The following ADAMTS12 variants were observed in gnomAD, a reference collection of about 807,000 sequenced individuals.
The protein encoded by ADAMTS12 is ADAM metallopeptidase with thrombospondin type 1 motif 12.
In ADAMTS12, 118 loss-of-function variants were observed where a neutral mutation model predicts 167.8. The observed-to-expected ratio is 0.70, with a 90% CI of 0.61 to 0.82. The LOEUF (loss-of-function observed/expected upper bound fraction) is 0.82. Among genes scored for constraint, ADAMTS12 ranks in the 40% least tolerant of loss-of-function variants. The pLI, the probability that ADAMTS12 is intolerant of heterozygous loss-of-function variation, is 0.00. For missense variants in ADAMTS12, 1,916 were observed against 1,998.8 expected, an observed-to-expected ratio of 0.96 and a Z score of 0.79; for synonymous variants, 704 against 716.9, an observed-to-expected ratio of 0.98 and a Z score of 0.29.
At chr5:33,585,835 C>G (rs1438567605) in intron 18 of ADAMTS12, among the ~76,000 whole-genome samples, 1 of 152,096 alleles carries the variant, frequency 6.6e-6, no homozygotes, top group Non-Finnish European at 1.5e-5. Flanking sequence ...AGAGAGCTCC[C>G]CTTTCTGATC....
chr5:33,696,338 G>A (rs1293798445), intron 3 of ADAMTS12, among the ~76,000 whole-genome samples: 3 of 150,946 alleles, frequency 2.0e-5, no homozygotes, highest in South Asian at 4.2e-4. Flanking sequence ...GGAGAATGGC[G>A]GGAACCCGGG....
Position 33,556,446 on chromosome 5 carries a change from T to C in ADAMTS12, c.4125+4581A>G, listed in dbSNP as rs114071168. ...CTTGCAGACACTGGAAAGGTAGAGATCTGAATGTCTCAGTCCTCTGTCATG... is the reference window on the plus strand; with the variant it reads ...CTTGCAGACACTGGAAAGGTAGAGACCTGAATGTCTCAGTCCTCTGTCATG... On this transcript the variant is annotated intron_variant, in intron 20 of 23. Transcript: ENST00000504830. Among the ~76,000 whole-genome samples the C allele has an allele frequency of 8.1e-3, 1,240 of 152,276 alleles. 20 individuals carry two copies. The highest frequency in any genetic ancestry group is 0.028 in the African/African-American group (1,163 of 41,554).
At chr5:33,856,785 C>A (rs529104729) in intron 2 of ADAMTS12, among the ~76,000 whole-genome samples, 26 of 152,248 alleles carry the variant, frequency 1.7e-4, no homozygotes, top group African/African-American at 5.8e-4. Context: ...AAAGAAAACC[C>A]TTGTATCCTG....
At chr5:33,619,622 C>T (rs140021199) in intron 14 of ADAMTS12, among the ~76,000 whole-genome samples, 1 of 152,242 alleles carries the variant, frequency 6.6e-6, no homozygotes, top group East Asian at 1.9e-4. Context: ...CCCTCTCCTT[C>T]CTTTTGCTTT....
At chr5:33,780,899 T>C (rs1251683703) in intron 2 of ADAMTS12, among the ~76,000 whole-genome samples, 1 of 152,120 alleles carries the variant, frequency 6.6e-6, no homozygotes, top group Non-Finnish European at 1.5e-5. Context: ...GCAGGAGTGG[T>C]CTCATCAGGG....
At chr5:33,665,707 G>A (rs988840163) in intron 5 of ADAMTS12, among the ~76,000 whole-genome samples, 2 of 152,096 alleles carry the variant, frequency 1.3e-5, no homozygotes, top group Non-Finnish European at 2.9e-5. Flanking sequence ...TCAAGAGACT[G>A]AAGAAGAGAC....
intron 3 of ADAMTS12, among the ~76,000 whole-genome samples, chr5:33,685,611 C>T (rs542850397): frequency 3.3e-5 from 5 of 152,324 alleles, no homozygotes; most frequent in East Asian, 1.9e-4. Flanking sequence ...CAAACTCTAG[C>T]GTTGTGAGTT....
intron 2 of ADAMTS12, among the ~76,000 whole-genome samples, chr5:33,863,854 G>A (rs188284385): frequency 6.6e-6 from 1 of 152,188 alleles, no homozygotes; most frequent in Admixed American, 6.5e-5. Context: ...TACCAAAACA[G>A]ATATATACAC....
chr5:33,803,871 A>C (rs908765227), intron 2 of ADAMTS12, among the ~76,000 whole-genome samples: 1 of 152,082 alleles, frequency 6.6e-6, no homozygotes, highest in African/African-American at 2.4e-5. Context: ...ATTACCTCCT[A>C]TGGGATCCCT....
chr5:33,542,998 A>C (rs192706957), intron 22 of ADAMTS12, among the ~76,000 whole-genome samples: 3 of 152,360 alleles, frequency 2.0e-5, no homozygotes, highest in African/African-American at 7.2e-5. Flanking sequence ...GCAGAAGGCA[A>C]GAAATAACTA....
chr5:33,743,062 G>C (rs1371527638), intron 3 of ADAMTS12, among the ~76,000 whole-genome samples: 1 of 152,200 alleles, frequency 6.6e-6, no homozygotes, highest in African/African-American at 2.4e-5. Flanking sequence ...TAGCATGAAA[G>C]GGTGAGCCAT....
intron 5 of ADAMTS12, among the ~76,000 whole-genome samples, chr5:33,681,930 A>G (rs991389219): frequency 6.6e-6 from 1 of 152,252 alleles, no homozygotes; most frequent in African/African-American, 2.4e-5. Flanking sequence ...TTCTAAAAAA[A>G]ACCCAGAAAG....
chr5:33,638,752 A>T (rs1324952296), intron 11 of ADAMTS12, among the ~76,000 whole-genome samples: 1 of 152,184 alleles, frequency 6.6e-6, no homozygotes, highest in Non-Finnish European at 1.5e-5. Flanking sequence ...TACTTTGGGC[A>T]TAGGAGGCTC....
chr5:33,757,352 C>T (rs1250220098), intron 2 of ADAMTS12, among the ~76,000 whole-genome samples: 1 of 152,148 alleles, frequency 6.6e-6, no homozygotes, highest in African/African-American at 2.4e-5. Flanking sequence ...ATAAATGTAA[C>T]AGGATAAGGG....
intron 16 of ADAMTS12, among the ~76,000 whole-genome samples, chr5:33,596,364 G>A (rs1278409236): frequency 6.6e-6 from 1 of 152,156 alleles, no homozygotes; most frequent in East Asian, 1.9e-4. Context: ...ACACATGCCA[G>A]GTGGAAAACC....
rs985464732 is a variant in ADAMTS12 at position 33,527,031 on chromosome 5, C to T, written c.*157G>A. Reference sequence around the variant, plus strand: ...GCCTAGGCCTCCTGTGAGGGACATTCGGTGGCTAGAGGAACACAATGGATT... The same window carrying T: ...GCCTAGGCCTCCTGTGAGGGACATTTGGTGGCTAGAGGAACACAATGGATT... On this transcript the variant is annotated 3_prime_UTR_variant, in exon 24 of 24. Transcript: ENST00000504830. 8.4e-6 allele frequency: 8 copies of T among 954,256 alleles called. No individual in the cohort carries two copies. The highest frequency in any genetic ancestry group is 6.9e-5 in the South Asian group (4 of 58,102). 59.1% of individuals were successfully genotyped at this position (954,256 alleles called of 1,614,324 possible). A position where few individuals can be genotyped will look rare whatever the true frequency, so the allele number is the denominator to read the frequency against.
intron 16 of ADAMTS12, among the ~76,000 whole-genome samples, chr5:33,607,579 G>GGGCT (rs1738509535): frequency 6.6e-6 from 1 of 152,134 alleles, no homozygotes; most frequent in Non-Finnish European, 1.5e-5. Flanking sequence ...TAATAGCATT[G>GGGCT]AATCTGTAAA....
At chr5:33,823,841 G>A (rs563075974) in intron 2 of ADAMTS12, among the ~76,000 whole-genome samples, 1 of 152,112 alleles carries the variant, frequency 6.6e-6, no homozygotes, top group African/African-American at 2.4e-5. Flanking sequence ...TGAGACAGGG[G>A]TCTCGTTTTT....
At chr5:33,653,557 A>G (rs947492600) in intron 7 of ADAMTS12, among the ~76,000 whole-genome samples, 9 of 152,004 alleles carry the variant, frequency 5.9e-5, no homozygotes, top group African/African-American at 1.9e-4. Context: ...TTCCCTTCTC[A>G]TGCACTTTAT....
Sources: gnomAD v4.1 joint callset for allele counts (sites outside exome capture counted in the v4.1 genomes callset) on GRCh38, gnomAD v4.1.1 for gene constraint, MANE v1.5 for transcripts, NCBI Gene and HGNC (gene_info 2026-07-23, HGNC 2026-07-21) for gene names.